Variants in CLEC16A observed in about 807,000 individuals in gnomAD.
CLEC16A encodes the protein protein CLEC16A.
Under a neutral mutation model 109.5 loss-of-function variants are expected in CLEC16A, and 51 were observed. The ratio of observed to expected loss-of-function variants is 0.47; its 90% confidence interval spans 0.37 to 0.59. The LOEUF is 0.59. Among genes scored for constraint, CLEC16A ranks in the 20% least tolerant of loss-of-function variants. CLEC16A has a pLI of 0.00. For synonymous variants in CLEC16A, 673 were observed against 564.2 expected (o/e 1.19, Z -2.73); for missense variants, 1,339 against 1,394.0 (o/e 0.96, Z 0.63).
intron 10 of CLEC16A, among the ~76,000 whole-genome samples, chr16:10,997,539 A>C (rs541196869): frequency 1.1e-4 from 16 of 152,228 alleles, no homozygotes; most frequent in Non-Finnish European, 2.1e-4. Context: ...CACTCTCTTA[A>C]CTATTCTTAA....
At chr16:11,080,586 C>G (rs1318961432) in intron 19 of CLEC16A, among the ~76,000 whole-genome samples, 1 of 152,232 alleles carries the variant, frequency 6.6e-6, no homozygotes, top group Non-Finnish European at 1.5e-5. Context: ...TATTCTCTTA[C>G]AGCTCTGGAG....
chr16:11,089,723 T>A (rs2050200090), intron 19 of CLEC16A, among the ~76,000 whole-genome samples: 1 of 152,190 alleles, frequency 6.6e-6, no homozygotes, highest in Admixed American at 6.5e-5. Flanking sequence ...ATATCCCAGG[T>A]GGCCAGGGAA....
intron 19 of CLEC16A, among the ~76,000 whole-genome samples, chr16:11,068,827 T>C (rs2048902875): frequency 6.6e-6 from 1 of 152,198 alleles, no homozygotes; most frequent in African/African-American, 2.4e-5. Context: ...AATTTATTTA[T>C]TTTTTGAGAC....
At chr16:11,124,308 G>A (rs1000941920) in intron 21 of CLEC16A, among the ~76,000 whole-genome samples, 2 of 152,214 alleles carry the variant, frequency 1.3e-5, no homozygotes, top group Non-Finnish European at 2.9e-5. Context: ...CTGGAGTTCT[G>A]TAGGGCCTGC....
rs373006374 is a variant in CLEC16A, at chr16:11,079,674, GT to G, written c.2116+18656del. On this transcript the variant is annotated intron_variant, in intron 19 of 23. Coordinates refer to ENST00000409790, the MANE Select transcript of CLEC16A (RefSeq NM_015226.3). ...TTGCATTTTTCTAAATGCAGTTGGGGTTTTCCAGAGCTGTGCAAAGCCAGGA... is the reference window on the plus strand; with the variant it reads ...TTGCATTTTTCTAAATGCAGTTGGGGTTTCCAGAGCTGTGCAAAGCCAGGA... Among the ~76,000 whole-genome samples the G allele has an allele frequency of 4.0e-3, 606 of 152,176 alleles. 9 individuals carry two copies. The highest frequency in any genetic ancestry group is 0.014 in the African/African-American group (582 of 41,510).
At chr16:10,993,500 C>T (rs1168244538) in intron 10 of CLEC16A, among the ~76,000 whole-genome samples, 19 of 152,160 alleles carry the variant, frequency 1.2e-4, no homozygotes, top group Admixed American at 3.3e-4. Context: ...GCCAAGGTTC[C>T]GTGATTGTTC....
chr16:11,171,694 A>ACCACATGTGGGG (rs1319157228), intron 23 of CLEC16A, among the ~76,000 whole-genome samples: 4 of 151,688 alleles, frequency 2.6e-5, no homozygotes, highest in Non-Finnish European at 4.4e-5. Flanking sequence ...CAATTTTAGA[A>ACCACATGTGGGG]CCACATGTGG....
intron 19 of CLEC16A, among the ~76,000 whole-genome samples, chr16:11,111,901 G>A (rs1479535356): frequency 1.3e-5 from 2 of 152,354 alleles, no homozygotes; most frequent in African/African-American, 2.4e-5. Context: ...GAAAAATTAA[G>A]CATAAGCTCT....
At chr16:10,978,183 G>A (rs932431069) in intron 8 of CLEC16A, among the ~76,000 whole-genome samples, 4 of 152,194 alleles carry the variant, frequency 2.6e-5, no homozygotes, top group East Asian at 1.9e-4. Flanking sequence ...TGGGGATGAC[G>A]GCTGGTAACA....
chr16:11,054,696 T>A (rs577983444), intron 18 of CLEC16A, among the ~76,000 whole-genome samples: 1 of 152,356 alleles, frequency 6.6e-6, no homozygotes, highest in Admixed American at 6.5e-5. Context: ...GAAGGGTGGC[T>A]TTGGCCACTC....
At chr16:11,020,485 A>G (rs2046033184) in intron 12 of CLEC16A, among the ~76,000 whole-genome samples, 160 bp downstream of exon 12, 1 of 152,254 alleles carries the variant, frequency 6.6e-6, no homozygotes, top group Non-Finnish European at 1.5e-5. Context: ...ACCCAGAAGC[A>G]TGGAGACGGA....
intron 19 of CLEC16A, among the ~76,000 whole-genome samples, chr16:11,063,370 A>G (rs947896150): frequency 1.4e-5 from 2 of 146,168 alleles, no homozygotes; most frequent in Non-Finnish European, 3.0e-5. Context: ...CTAGTGTGCA[A>G]TCTGACCAAA....
intron 22 of CLEC16A, among the ~76,000 whole-genome samples, chr16:11,154,815 T>C (rs1437583754): frequency 6.6e-5 from 10 of 152,062 alleles, no homozygotes; most frequent in Admixed American, 3.3e-4. Context: ...TAATCCCAGC[T>C]ACTTGGGAGG....
intron 19 of CLEC16A, among the ~76,000 whole-genome samples, chr16:11,092,440 C>T (rs1312776399): frequency 1.3e-5 from 2 of 150,630 alleles, no homozygotes; most frequent in Non-Finnish European, 3.0e-5. Flanking sequence ...GTCCCAGCTA[C>T]TTGGGAGGCT....
intron 23 of CLEC16A, among the ~76,000 whole-genome samples, chr16:11,169,085 A>G: frequency 6.6e-6 from 1 of 152,314 alleles, no homozygotes; most frequent in East Asian, 1.9e-4. Context: ...ACAGCAGAAG[A>G]CAGCTGCAGC....
intron 9 of CLEC16A, among the ~76,000 whole-genome samples, chr16:10,982,553 T>C (rs113750645): frequency 0.011 from 1,644 of 152,298 alleles, 17 homozygotes; most frequent in African/African-American, 0.036. Context: ...GGAAGGAGTG[T>C]GCTGGTTTGG....
intron 10 of CLEC16A, among the ~76,000 whole-genome samples, chr16:11,000,069 C>T (rs866144104): frequency 1.3e-5 from 2 of 152,216 alleles, no homozygotes; most frequent in South Asian, 4.1e-4. Flanking sequence ...AATACCTGAC[C>T]TCAGGTGATC....
intron 11 of CLEC16A, among the ~76,000 whole-genome samples, chr16:11,011,754 A>G (rs1195384600): frequency 2.6e-5 from 4 of 152,176 alleles, no homozygotes; most frequent in African/African-American, 4.8e-5. Context: ...ATACATACAT[A>G]TAAGCATGCG....
intron 16 of CLEC16A, among the ~76,000 whole-genome samples, chr16:11,045,480 T>TC (rs1182224782): frequency 6.6e-6 from 1 of 151,992 alleles, no homozygotes; most frequent in African/African-American, 2.4e-5. Flanking sequence ...CCTCATTACC[T>TC]CCCAAAGGCC....
Sources: allele counts gnomAD v4.1 joint callset (sites outside exome capture counted in the v4.1 genomes callset), GRCh38; gene constraint gnomAD v4.1.1; transcripts MANE v1.5; gene names NCBI Gene and HGNC (gene_info 2026-07-23, HGNC 2026-07-21).